Variants in NSMAF observed in about 807,000 individuals in gnomAD.
NSMAF encodes protein FAN.
In NSMAF, 90 loss-of-function variants were observed where a neutral mutation model predicts 134.9. That is an observed-to-expected ratio of 0.67 (90% CI 0.56 to 0.79). The LOEUF (loss-of-function observed/expected upper bound fraction) is 0.79. NSMAF is among the 30% of genes least tolerant of loss of function. NSMAF has a pLI of 0.00. For synonymous variants in NSMAF, 358 were observed against 389.6 expected (o/e 0.92, Z 0.96); for missense variants, 1,010 against 1,119.0 (o/e 0.90, Z 1.39).
chr8:58,600,369 A>G (rs1186536451), intron 16 of NSMAF, among the ~76,000 whole-genome samples: 1 of 152,056 alleles, frequency 6.6e-6, no homozygotes, highest in African/African-American at 2.4e-5. Flanking sequence ...TCACACCTGT[A>G]ATCTCAGTAC....
chr8:58,631,038 G>A (rs1342167386), intron 6 of NSMAF, among the ~76,000 whole-genome samples: 1 of 152,148 alleles, frequency 6.6e-6, no homozygotes, highest in African/African-American at 2.4e-5. Context: ...AAAGGTCCCA[G>A]GGAACCAGAC....
intron 1 of NSMAF, chr8:58,659,251 G>A: frequency 6.6e-7 from 1 of 1,506,848 alleles, no homozygotes; most frequent in Non-Finnish European, 8.8e-7. Context: ...ACCCCGCGCG[G>A]CCTTCCGGGT....
chr8:58,594,574 C>G, intron 22 of NSMAF: 1 of 420,160 alleles, frequency 2.4e-6, no homozygotes, highest in Non-Finnish European at 4.3e-6. Flanking sequence ...TTGGAAAACT[C>G]TTCTCCTTCT....
At chr8:58,590,596 T>G (rs1229384856) in intron 24 of NSMAF, among the ~76,000 whole-genome samples, 1 of 152,148 alleles carries the variant, frequency 6.6e-6, no homozygotes, top group Non-Finnish European at 1.5e-5. Flanking sequence ...GTCTGACAGC[T>G]AAAAAAGGGA....
chr8:58,626,261 A>C (rs1461021888), intron 6 of NSMAF, among the ~76,000 whole-genome samples: 1 of 144,256 alleles, frequency 6.9e-6, no homozygotes, highest in Non-Finnish European at 1.5e-5. Context: ...TCGCCCGGCT[A>C]ATTTTTTGTA....
chr8:58,649,515 G>A (rs1483788971), intron 1 of NSMAF, among the ~76,000 whole-genome samples: 2 of 152,166 alleles, frequency 1.3e-5, no homozygotes, highest in South Asian at 2.1e-4. Flanking sequence ...TAGTTCGGAT[G>A]TTTGTCCCCT....
intron 30 of NSMAF, 33 bp from the exon 31 acceptor site, chr8:58,584,233 T>A (rs1458912552): frequency 1.9e-6 from 3 of 1,540,662 alleles, no homozygotes; most frequent in Non-Finnish European, 2.7e-6. Flanking sequence ...AGTTAGGAAG[T>A]TGACCAGGAG....
At chr8:58,595,471 G>T in intron 22 of NSMAF, 89 bp downstream of exon 22, 1 of 860,740 alleles carries the variant, frequency 1.2e-6, no homozygotes. Context: ...TTTTCCCTCT[G>T]ACTCAGCTTA....
At chr8:58,647,110 C>T (rs1436702950) in intron 1 of NSMAF, among the ~76,000 whole-genome samples, 1 of 152,230 alleles carries the variant, frequency 6.6e-6, no homozygotes, top group African/African-American at 2.4e-5. Context: ...CTTTCTCTAA[C>T]AGGCTTCACT....
chr8:58,654,884 G>C (rs569318420), intron 1 of NSMAF, among the ~76,000 whole-genome samples: 1 of 152,142 alleles, frequency 6.6e-6, no homozygotes, highest in South Asian at 2.1e-4. Context: ...GACCAGGCTG[G>C]AGTGCAATGG....
chr8:58,617,137 T>C (rs116248212), intron 9 of NSMAF, among the ~76,000 whole-genome samples: 2 of 152,072 alleles, frequency 1.3e-5, no homozygotes, highest in South Asian at 2.1e-4. Context: ...ACTTTTGGGG[T>C]AGAAAAGGGT....
chr8:58,602,266 T>G, intron 13 of NSMAF, 129 bp from the exon 14 acceptor site: 1 of 611,916 alleles, frequency 1.6e-6, no homozygotes, highest in South Asian at 2.5e-5. Context: ...ATGAGAGTTA[T>G]TTTTGTTAGT....
intron 30 of NSMAF, among the ~76,000 whole-genome samples, chr8:58,585,030 G>T (rs999643728): frequency 2.6e-5 from 4 of 152,158 alleles, no homozygotes; most frequent in African/African-American, 9.7e-5. Context: ...GAACTCAAGG[G>T]ATAACAAGAG....
chr8:58,617,451 A>G (rs1265271233), intron 9 of NSMAF, among the ~76,000 whole-genome samples: 1 of 152,226 alleles, frequency 6.6e-6, no homozygotes, highest in African/African-American at 2.4e-5. Flanking sequence ...AAAGAACTCA[A>G]ACAAATTTAC....
intron 1 of NSMAF, among the ~76,000 whole-genome samples, chr8:58,656,021 T>G (rs543163895): frequency 6.6e-4 from 100 of 151,262 alleles, no homozygotes; most frequent in Middle Eastern, 3.4e-3. Context: ...TAAATCTTTT[T>G]TTTGTTTGTT....
chr8:58,616,594 A>C (rs1488218245), intron 9 of NSMAF, among the ~76,000 whole-genome samples: 2 of 152,170 alleles, frequency 1.3e-5, no homozygotes, highest in African/African-American at 4.8e-5. Flanking sequence ...ACAGAAAGGA[A>C]TATTTTCATT....
intron 5 of NSMAF, among the ~76,000 whole-genome samples, chr8:58,632,401 A>G (rs1323244293): frequency 6.6e-6 from 1 of 151,972 alleles, no homozygotes; most frequent in Non-Finnish European, 1.5e-5. Flanking sequence ...TGAAGTGCAT[A>G]AGATCTCCAC....
chr8:58,599,743 G>GA lies in NSMAF; in HGVS notation c.1453+6dup. On this transcript the variant is annotated splice_region_variant and intron_variant, in intron 18 of 30. Coordinates refer to ENST00000038176, the MANE Select transcript of NSMAF (RefSeq NM_003580.4). ...CTATAATACAACACCTCCAAGGGGG[G>GA]ACTCACTGGAAGCCCAAGGGGGAAG... The GA allele has an allele frequency of 6.2e-7, 1 of 1,613,118 alleles. No individual in the cohort carries two copies. Among genetic ancestry groups the GA allele is most frequent in the Non-Finnish European group, 8.5e-7 (1 of 1,179,474 alleles).
rs1401965649 is a variant in NSMAF at position 58,584,070 on chromosome 8, A to T, written c.*36T>A. 10 of 1,439,330 alleles carry T rather than the reference A, an allele frequency of 6.9e-6. No individual in the cohort carries two copies. The East Asian group carries it at 2.3e-4, about 33-fold the overall frequency. 89.2% of individuals were successfully genotyped at this position (1,439,330 alleles called of 1,614,324 possible). A position where few individuals can be genotyped will look rare whatever the true frequency, so the allele number is the denominator to read the frequency against. ...AGTTTGGTTTAAAAATGCATTAAATAGAGTTCAATTTAATATTCAGGAGAG... is the reference window on the plus strand; with the variant it reads ...AGTTTGGTTTAAAAATGCATTAAATTGAGTTCAATTTAATATTCAGGAGAG... On this transcript the variant is annotated 3_prime_UTR_variant, in exon 31 of 31. Transcript: ENST00000038176.
Sources: allele counts gnomAD v4.1 joint callset (sites outside exome capture counted in the v4.1 genomes callset), GRCh38; gene constraint gnomAD v4.1.1; transcripts MANE v1.5; gene names NCBI Gene and HGNC (gene_info 2026-07-23, HGNC 2026-07-21).